Variants in ZNF546 observed in about 807,000 individuals in gnomAD.
The protein encoded by ZNF546 is zinc finger protein 546, also known as CTC-471F3.6.
Under a neutral mutation model 76.2 loss-of-function variants are expected in ZNF546, and 60 were observed. The ratio of observed to expected loss-of-function variants is 0.79; its 90% CI spans 0.64 to 0.98. ZNF546 has a LOEUF of 0.98. Among genes scored for constraint, ZNF546 ranks in the 50% least tolerant of loss-of-function variants. ZNF546 has a pLI of 0.00. For synonymous variants in ZNF546, 277 were observed against 328.1 expected (o/e 0.84, Z 1.68); for missense variants, 936 against 1,035.6 (o/e 0.90, Z 1.32).
chr19:40,008,251 T>G (rs1038914112), intron 5 of ZNF546, among the ~76,000 whole-genome samples: 1 of 152,190 alleles, frequency 6.6e-6, no homozygotes, highest in Non-Finnish European at 1.5e-5. Context: ...AGCAGACCTT[T>G]TCGCTCTCTC....
At chr19:40,009,786 A>G (rs1190873061) in intron 6 of ZNF546, among the ~76,000 whole-genome samples, 1 of 152,190 alleles carries the variant, frequency 6.6e-6, no homozygotes, top group African/African-American at 2.4e-5. Context: ...GATTTTTAAA[A>G]TTTAGCTTCA....
At chr19:40,012,365 G>A (rs1163013499) in intron 6 of ZNF546, among the ~76,000 whole-genome samples, 1 of 152,204 alleles carries the variant, frequency 6.6e-6, no homozygotes, top group Non-Finnish European at 1.5e-5. Context: ...AAGTGATCCA[G>A]GAAAGAGCAT....
In ZNF546 at chr19:40,015,993, A is replaced by T; in HGVS notation, c.*212A>T. 1 of 569,618 alleles carries T rather than the reference A, an allele frequency of 1.8e-6. No homozygotes were observed. The highest frequency in any genetic ancestry group is 3.1e-6 in the Non-Finnish European group (1 of 321,070). 35.3% of individuals were successfully genotyped at this position (569,618 alleles called of 1,614,324 possible). A position where few individuals can be genotyped will look rare whatever the true frequency, so the allele number is the denominator to read the frequency against. On this transcript the variant is annotated 3_prime_UTR_variant, in exon 7 of 7. Transcript: ENST00000347077. ...TTGATACTGATGCACTGCATCCCAA[A>T]CCATCAAGGGCCTTTTCCCCTACAA...
intron 6 of ZNF546, among the ~76,000 whole-genome samples, chr19:40,011,670 A>G (rs558974320): frequency 5.9e-5 from 9 of 152,250 alleles, no homozygotes; most frequent in Non-Finnish European, 1.2e-4. Context: ...CAAAGGCATT[A>G]TAAGAAAAGA....
rs1364926162 is a variant in ZNF546, at chr19:40,015,500, A to G, written c.2230A>G (p.Thr744Ala). The G allele has an allele frequency of 2.5e-6, 4 of 1,614,068 alleles. No individual in the cohort carries two copies. Among genetic ancestry groups the G allele is most frequent in the Non-Finnish European group, 3.4e-6 (4 of 1,180,032 alleles). ...TCTTACTCAACATTTTAGACTTCAT[A>G]CTGGTGAGAAACCTTATAGCTGTAA... Reference protein sequence around the residue: ...YHLTQHFRLHTGEKPYSCKEC... With the variant: ...YHLTQHFRLHAGEKPYSCKEC... The change falls in exon 7 of 7, where the codon ACT (threonine) becomes GCT (alanine). Residue 744 changes from threonine (T) to alanine (A), a missense_variant. By Grantham distance (58) the Thr-to-Ala change is moderately conservative (BLOSUM62 0). Coordinates refer to ENST00000347077, the MANE Select transcript of ZNF546 (RefSeq NM_178544.5).
Position 40,014,617 on chromosome 19 carries a change from C to A in ZNF546, c.1347C>A (p.Ala449=). ...KPYECRECGK[A]FRLQTELTRH... Reference sequence around the variant, plus strand: ...ATGAATGTAGAGAATGTGGAAAAGCCTTTCGTCTTCAAACGGAACTTACTC... The same window carrying A: ...ATGAATGTAGAGAATGTGGAAAAGCATTTCGTCTTCAAACGGAACTTACTC... The change falls in exon 7 of 7, where the codon GCC becomes GCA. Residue 449 remains alanine (A), a synonymous_variant. Coordinates refer to ENST00000347077, the MANE Select transcript of ZNF546 (RefSeq NM_178544.5). 6.2e-7 allele frequency: 1 copy of A among 1,613,370 alleles called. No homozygotes were observed. The highest frequency in any genetic ancestry group is 8.5e-7 in the Non-Finnish European group (1 of 1,179,684).
chr19:39,999,503 TA>T (rs1474850997), intron 3 of ZNF546: 2 of 152,168 alleles, frequency 1.3e-5, no homozygotes, highest in African/African-American at 2.4e-5. Flanking sequence ...TTATATTACA[TA>T]AGGCACTTAT....
chr19:40,007,281 T>A lies in ZNF546; in HGVS notation c.179T>A (p.Leu60Ter). ...CGSKTMANVS[L>*]AFRDVSIDLS... The stretch of plus-strand genomic sequence containing the variant: ...ATAGGCTTGTCATTTCAGGTATCTT[T>A]GGCATTTAGGGATGTGTCCATAGAC... Residue 60 changes from leucine to a stop codon, truncating the protein, a stop_gained, in exon 5 of 7, where the codon TTG (leucine) becomes TAG (stop). Coordinates refer to ENST00000347077, the MANE Select transcript of ZNF546 (RefSeq NM_178544.5). LOFTEE classifies it high-confidence loss of function. 2 of 1,546,158 alleles carry A rather than the reference T, an allele frequency of 1.3e-6. No homozygotes were observed. The highest frequency in any genetic ancestry group is 1.7e-6 in the Non-Finnish European group (2 of 1,144,838).
In ZNF546 at chr19:39,998,399, C is replaced by G; in HGVS notation, c.73C>G (p.Leu25Val). 1 of 1,613,774 alleles carries G rather than the reference C, an allele frequency of 6.2e-7. No homozygotes were observed. Among genetic ancestry groups the G allele is most frequent in the Non-Finnish European group, 8.5e-7 (1 of 1,179,640 alleles). ...LIFQIIPLHS[L>V]SIMPRFLWIL... is the part of the protein sequence containing the mutation. Reference sequence around the variant, plus strand: ...TTTTCAAATCATTCCTCTGCACTCACTTTCTATAATGGTAGAGAAATGCAT... The same window carrying G: ...TTTTCAAATCATTCCTCTGCACTCAGTTTCTATAATGGTAGAGAAATGCAT... The change falls in exon 3 of 7, where the codon CTT becomes GTT. Residue 25 changes from leucine to valine, a missense_variant. Physicochemically the swap from Leu to Val is conservative, Grantham distance 32 (BLOSUM62 1). Coordinates refer to ENST00000347077, the MANE Select transcript of ZNF546 (RefSeq NM_178544.5).
At chr19:40,004,805 A>C (rs961602799) in intron 3 of ZNF546, among the ~76,000 whole-genome samples, 2 of 151,920 alleles carry the variant, frequency 1.3e-5, no homozygotes, top group African/African-American at 2.4e-5. Flanking sequence ...CATATCTTGG[A>C]TATTTCCCAA....
chr19:40,002,022 A>T (rs1461301825), intron 3 of ZNF546, among the ~76,000 whole-genome samples: 3 of 152,222 alleles, frequency 2.0e-5, no homozygotes, highest in Non-Finnish European at 4.4e-5. Context: ...TAGCTGTCAG[A>T]CTAAGATTCA....
At position 40,016,816 on chromosome 19, in the gene ZNF546, T is replaced by A. The variant is rs548732530; in HGVS notation, c.*1035T>A. On this transcript the variant is annotated 3_prime_UTR_variant, in exon 7 of 7. Transcript: ENST00000347077. Reference sequence around the variant, plus strand: ...CCTTGGCCTATCTTTATGATATATATAAATAATATAATTCTCATAATTCCA... The same window carrying A: ...CCTTGGCCTATCTTTATGATATATAAAAATAATATAATTCTCATAATTCCA... 1.3e-5 allele frequency: 2 copies of A among 152,296 alleles called. No individual in the cohort carries two copies. The highest frequency in any genetic ancestry group is 4.8e-5 in the African/African-American group (2 of 41,560). The allele number at this position is 152,296 out of a possible 1,614,324, so 9.4% of individuals were successfully genotyped here.
At position 40,015,974 on chromosome 19, in the gene ZNF546, C is replaced by A. The variant is rs1045891961; in HGVS notation, c.*193C>A. ...CCTGTTAGACTTTAGAAGATTGATA[C>A]TGATGCACTGCATCCCAAACCATCA... On this transcript the variant is annotated 3_prime_UTR_variant, in exon 7 of 7. Transcript: ENST00000347077. 2 of 598,364 alleles carry A rather than the reference C, an allele frequency of 3.3e-6. No homozygotes were observed. The allele number at this position is 598,364 out of a possible 1,614,324, so 37.1% of individuals were successfully genotyped here.
In ZNF546 at chr19:40,019,972, T is replaced by C. The variant is rs901372709; in HGVS notation, c.*4191T>C. 6 of 152,162 alleles carry C rather than the reference T, an allele frequency of 3.9e-5. No homozygotes were observed. Among genetic ancestry groups the C allele is most frequent in the African/African-American group, 1.4e-4 (6 of 41,448 alleles). 9.4% of individuals were successfully genotyped at this position (152,162 alleles called of 1,614,324 possible). A position where few individuals can be genotyped will look rare whatever the true frequency, so the allele number is the denominator to read the frequency against. On this transcript the variant is annotated 3_prime_UTR_variant, in exon 7 of 7. Coordinates refer to ENST00000347077, the MANE Select transcript of ZNF546 (RefSeq NM_178544.5). ...AACACTGAGCACAATTTTTCACATA[T>C]TTGAAATCAAGGTGTATCTTACAAT... is the stretch of plus-strand genomic sequence containing the variant.
At position 40,015,017 on chromosome 19, in the gene ZNF546, T is replaced by C. The variant is rs144175195; in HGVS notation, c.1747T>C (p.Cys583Arg). The change falls in exon 7 of 7, where the codon TGT becomes CGT. Residue 583 changes from cysteine to arginine, a missense_variant. By Grantham distance (180) the Cys-to-Arg change is radical (BLOSUM62 -3). Transcript: ENST00000347077. ...TCACACCAGTGAGAGCACCTACATA[T>C]GTAAAGAATGTGGGAAGATTTTTAG... ...RIHTSESTYI[C>R]KECGKIFSRR... 2.0e-5 allele frequency: 32 copies of C among 1,614,082 alleles called. No individual in the cohort carries two copies. The African/African-American group carries it at 3.3e-4, about 17-fold the overall frequency.
chr19:40,014,734 G>A lies in ZNF546; in HGVS notation c.1464G>A (p.Leu488=), dbSNP rs530287550. The A allele has an allele frequency of 1.2e-6, 2 of 1,613,410 alleles. No individual in the cohort carries two copies. The highest frequency in any genetic ancestry group is 1.7e-5 in the Admixed American group (1 of 59,968). Residue 488 remains leucine (L), a synonymous_variant, in exon 7 of 7, where the codon CTG becomes CTA. Transcript: ENST00000347077. ...FICGYQLTLH[L]RTHTGEIPYE... is the part of the protein sequence containing the mutation. ...GTGGTTATCAACTTACTTTACATCTGAGAACTCACACCGGTGAGATTCCCT... is the reference window on the plus strand; with the variant it reads ...GTGGTTATCAACTTACTTTACATCTAAGAACTCACACCGGTGAGATTCCCT...
chr19:39,998,174 C>A, intron 2 of ZNF546, 74 bp from the exon 3 acceptor site: 1 of 582,070 alleles, frequency 1.7e-6, no homozygotes, highest in East Asian at 2.8e-5. Context: ...TTATTTGTCA[C>A]ATAAATTGCA....
In ZNF546 at chr19:40,015,045, G is replaced by A. The variant is rs559273469; in HGVS notation, c.1775G>A (p.Arg592His). The A allele has an allele frequency of 3.8e-5, 61 of 1,613,718 alleles. No homozygotes were observed. The highest frequency in any genetic ancestry group is 3.3e-4 in the Middle Eastern group (2 of 6,062). ...AAAGAATGTGGGAAGATTTTTAGTC[G>A]TCGCTATAATCTTACTCAACATTTT... is the stretch of plus-strand genomic sequence containing the variant. ...ICKECGKIFS[R>H]RYNLTQHFKI... Residue 592 changes from arginine to histidine, a missense_variant, in exon 7 of 7, where the codon CGT (arginine) becomes CAT (histidine). By Grantham distance (29) the Arg-to-His change is conservative. Coordinates refer to ENST00000347077, the MANE Select transcript of ZNF546 (RefSeq NM_178544.5).
Position 40,015,625 on chromosome 19 carries a change from C to G in ZNF546, c.2355C>G (p.Ala785=). Residue 785 remains alanine (A), a synonymous_variant, in exon 7 of 7, where the codon GCC becomes GCG. Transcript: ENST00000347077. The part of the protein sequence containing the change: ...KPYKCKECGK[A]FSVNSELTRH... ...ATAAATGTAAAGAATGTGGGAAAGC[C>G]TTCAGTGTTAATTCAGAACTTACTC... 1 of 1,614,036 alleles carries G rather than the reference C, an allele frequency of 6.2e-7. No individual in the cohort carries two copies. The highest frequency in any genetic ancestry group is 8.5e-7 in the Non-Finnish European group (1 of 1,180,008).
Sources: allele counts gnomAD v4.1 joint callset (sites outside exome capture counted in the v4.1 genomes callset), GRCh38; gene constraint gnomAD v4.1.1; transcripts MANE v1.5; gene names NCBI Gene and HGNC (gene_info 2026-07-23, HGNC 2026-07-21).